TRPM7: variants seen among roughly 807,000 people sequenced by gnomAD.
The protein encoded by TRPM7 is transient receptor potential cation channel subfamily M member 7.
In TRPM7, 134 loss-of-function variants were observed where a neutral mutation model predicts 229.7. The observed-to-expected ratio is 0.58, with a 90% CI of 0.51 to 0.67. The LOEUF is 0.67. Ranked by LOEUF, TRPM7 falls within the 30% of genes least tolerant of loss-of-function variation. The pLI, the probability that TRPM7 is intolerant of heterozygous loss-of-function variation, is 0.00. For missense variants in TRPM7, 1,901 were observed against 2,210.0 expected (o/e 0.86, Z 2.80); for synonymous variants, 699 against 715.2 (o/e 0.98, Z 0.36).
chr15:50,572,233 T>C (rs2053925382), intron 36 of TRPM7, among the ~76,000 whole-genome samples: 1 of 151,958 alleles, frequency 6.6e-6, no homozygotes, highest in Non-Finnish European at 1.5e-5. Flanking sequence ...TTGCAGTGAG[T>C]TGTGATTGAG....
At chr15:50,568,641 T>A (rs570213170) in intron 38 of TRPM7, among the ~76,000 whole-genome samples, 1 of 152,256 alleles carries the variant, frequency 6.6e-6, no homozygotes, top group Non-Finnish European at 1.5e-5. Flanking sequence ...GTCTAAGCTC[T>A]TAACTATTAC....
chr15:50,641,831 C>T (rs1397180104), intron 5 of TRPM7, among the ~76,000 whole-genome samples: 1 of 152,044 alleles, frequency 6.6e-6, no homozygotes, highest in Non-Finnish European at 1.5e-5. Context: ...GAAACCCCAT[C>T]TCTAGTAAAA....
intron 17 of TRPM7, 43 bp from the exon 18 acceptor site, chr15:50,610,004 C>G: frequency 7.6e-7 from 1 of 1,315,620 alleles, no homozygotes; most frequent in Non-Finnish European, 1.0e-6. Flanking sequence ...AAATTAATGA[C>G]CTTCAAGAAT....
rs779745182 is a variant in TRPM7, at chr15:50,609,682, T to C, written c.2479A>G (p.Lys827Glu). ...TTCATTTGTATCTCCATCTCATTCT[T>C]TCCTTCATTACTATCCAAAATCCGT... The part of the protein sequence containing the change: ...EVRILDSNEG[K>E]NEMEIQMKSK... Residue 827 changes from lysine (K) to glutamate (E), a missense_variant, in exon 19 of 39, where the codon AAG (lysine) becomes GAG (glutamate). Around this residue, in one of 8 missense-constraint regions of TRPM7, gnomAD observed 207 missense variants for 241.5 expected, o/e 0.86. Transcript: ENST00000646667. 3 of 1,611,064 alleles carry C rather than the reference T, an allele frequency of 1.9e-6. No individual in the cohort carries two copies. The highest frequency in any genetic ancestry group is 2.5e-6 in the Non-Finnish European group (3 of 1,178,438).
chr15:50,580,735 T>C (rs567674795), intron 30 of TRPM7, 139 bp downstream of exon 30: 1 of 656,440 alleles, frequency 1.5e-6, no homozygotes, highest in Middle Eastern at 3.5e-4. Context: ...ATCTCATCTA[T>C]GTGAAGAGAG....
intron 1 of TRPM7, among the ~76,000 whole-genome samples, chr15:50,676,101 CA>C (rs1341814279): frequency 1.3e-5 from 2 of 152,138 alleles, no homozygotes; most frequent in Non-Finnish European, 2.9e-5. Flanking sequence ...GTGATCACTT[CA>C]AAACTCCTTA....
rs1197891481 is a variant in TRPM7, at chr15:50,637,463, C to G, written c.791G>C (p.Arg264Thr). 6.2e-7 allele frequency: 1 copy of G among 1,612,448 alleles called. No individual in the cohort carries two copies. Among genetic ancestry groups the G allele is most frequent in the Non-Finnish European group, 8.5e-7 (1 of 1,179,706 alleles). Residue 264 changes from arginine to threonine, a missense_variant, in exon 7 of 39, where the codon AGA becomes ACA. Coordinates refer to ENST00000646667, the MANE Select transcript of TRPM7 (RefSeq NM_017672.6). ...GKYGAEVRLR[R>T]ELEKTINQQR... Reference sequence around the variant, plus strand: ...CTGATTAATAGTTTTTTCAAGTTCTCTTCTCAGTCTGACTTCCGCCCCATA... The same window carrying G: ...CTGATTAATAGTTTTTTCAAGTTCTGTTCTCAGTCTGACTTCCGCCCCATA...
chr15:50,657,782 T>G lies in TRPM7; in HGVS notation c.121A>C (p.Arg41=), dbSNP rs763741371. ...PGCQICQQLV[R]CFCGRLVKQH... ...GCGGTATAGTTATGTTAAACTTACC[T>G]GACGAGTTGCTGACAAATTTGACAT... The change falls in exon 3 of 39, where the codon AGG becomes CGG. Residue 41 remains arginine, a splice_region_variant and synonymous_variant. Transcript: ENST00000646667. 6.8e-6 allele frequency: 11 copies of G among 1,611,698 alleles called. No individual in the cohort carries two copies. The South Asian group carries it at 1.2e-4, about 18-fold the overall frequency.
chr15:50,612,962 CTTGA>C (rs2060103727), intron 15 of TRPM7, 133 bp from the exon 16 acceptor site: 3 of 747,330 alleles, frequency 4.0e-6, no homozygotes, highest in South Asian at 2.7e-5. Flanking sequence ...ATTTTATAAA[CTTGA>C]TTTTTATTAT....
intron 1 of TRPM7, among the ~76,000 whole-genome samples, chr15:50,673,033 G>A (rs2062024567): frequency 6.6e-6 from 1 of 150,802 alleles, no homozygotes; most frequent in South Asian, 2.1e-4. Context: ...TTACAAATCT[G>A]TTAAATTAAA....
chr15:50,631,541 G>T (rs763976819), intron 9 of TRPM7, 52 bp from the exon 10 acceptor site: 3 of 1,294,496 alleles, frequency 2.3e-6, no homozygotes, highest in Middle Eastern at 2.1e-4. Flanking sequence ...TAAAACAAAG[G>T]CATCATAAAA....
At chr15:50,599,973 T>C (rs922622492) in intron 21 of TRPM7, among the ~76,000 whole-genome samples, 9 of 152,230 alleles carry the variant, frequency 5.9e-5, no homozygotes, top group African/African-American at 1.9e-4. Flanking sequence ...TAGTAATTCA[T>C]TGAAAAATTA....
chr15:50,611,034 A>C, intron 17 of TRPM7, 59 bp downstream of exon 17: 1 of 1,369,550 alleles, frequency 7.3e-7, no homozygotes, highest in Non-Finnish European at 1.0e-6. Flanking sequence ...ATTTAGACTA[A>C]TTCTTCTGTT....
At chr15:50,580,981 A>G in intron 29 of TRPM7, 73 bp from the exon 30 acceptor site, 4 of 1,473,858 alleles carry the variant, frequency 2.7e-6, no homozygotes, top group Non-Finnish European at 3.6e-6. Context: ...ATAACGGTTT[A>G]ACTTTTTTTC....
At chr15:50,636,507 C>G (rs1383898140) in intron 7 of TRPM7, among the ~76,000 whole-genome samples, 1 of 152,118 alleles carries the variant, frequency 6.6e-6, no homozygotes, top group East Asian at 1.9e-4. Flanking sequence ...TAACTTTTAG[C>G]AAAAGTTCTG....
At chr15:50,604,619 A>G in intron 21 of TRPM7, 1 of 283,060 alleles carries the variant, frequency 3.5e-6, no homozygotes, top group Non-Finnish European at 6.5e-6. Flanking sequence ...GACAGGAAAA[A>G]GGAGTTACCT....
chr15:50,657,658 G>C, intron 3 of TRPM7, 123 bp downstream of exon 3: 1 of 837,074 alleles, frequency 1.2e-6, no homozygotes, highest in Non-Finnish European at 1.9e-6. Flanking sequence ...CCAAGTCTAG[G>C]TAAAGTACCC....
chr15:50,561,808 T>A lies in TRPM7; in HGVS notation c.5468A>T (p.Asp1823Val). ...AGGCGTATAATCATTCCTCTTCAGA[T>A]CTACATTGAACACCCACAACAATTA... is the stretch of plus-strand genomic sequence containing the variant. ...NSCCRKLKLP[D>V]LKRNDYTPDK... is the part of the protein sequence containing the mutation. Residue 1823 changes from aspartate to valine, a missense_variant and splice_region_variant, in exon 39 of 39, where the codon GAT (aspartate) becomes GTT (valine). By Grantham distance (152) the Asp-to-Val change is radical. Transcript: ENST00000646667. 6.3e-7 allele frequency: 1 copy of A among 1,583,218 alleles called. No homozygotes were observed. The highest frequency in any genetic ancestry group is 8.6e-7 in the Non-Finnish European group (1 of 1,169,040).
chr15:50,557,692 G>A lies in TRPM7; in HGVS notation c.*3986C>T, dbSNP rs905398739. On this transcript the variant is annotated 3_prime_UTR_variant, in exon 39 of 39. Transcript: ENST00000646667. The stretch of plus-strand genomic sequence containing the variant: ...CAGAGTTCTGCTGTCACCCAGGCTG[G>A]AGTGCAGTGGCAGCAATCTAGGCTC... The A allele has an allele frequency of 2.6e-5, 4 of 152,168 alleles. No individual in the cohort carries two copies. The highest frequency in any genetic ancestry group is 2.0e-4 in the Admixed American group (3 of 15,274). The allele number at this position is 152,168 out of a possible 1,614,324, so 9.4% of individuals were successfully genotyped here. A position where few individuals can be genotyped will look rare whatever the true frequency, so the allele number is the denominator to read the frequency against.
Sources: allele counts gnomAD v4.1 joint callset (sites outside exome capture counted in the v4.1 genomes callset), GRCh38; gene constraint gnomAD v4.1.1; regional missense constraint gnomAD v4.1.1; transcripts MANE v1.5; gene names NCBI Gene and HGNC (gene_info 2026-07-23, HGNC 2026-07-21).